CMPK2: variants seen among roughly 807,000 people sequenced by gnomAD.
CMPK2 encodes UMP-CMP kinase 2, mitochondrial.
Under a neutral mutation model 33.4 loss-of-function variants are expected in CMPK2, and 32 were observed. The ratio of observed to expected loss-of-function variants is 0.96; its 90% CI spans 0.72 to 1.29. The LOEUF is 1.29. Among genes scored for constraint, CMPK2 ranks in the 50% most tolerant of loss-of-function variants. CMPK2 has a pLI of 0.00. For synonymous variants in CMPK2, 299 were observed against 275.3 expected (o/e 1.09, Z -0.85); for missense variants, 672 against 616.0 (o/e 1.09, Z -0.96).
intron 3 of CMPK2, among the ~76,000 whole-genome samples, chr2:6,853,032 C>T (rs1398577766): frequency 6.6e-6 from 1 of 152,184 alleles, no homozygotes; most frequent in African/African-American, 2.4e-5. Context: ...TCACTGCAAC[C>T]TTTGCTTCCC....
intron 3 of CMPK2, among the ~76,000 whole-genome samples, chr2:6,842,470 G>T (rs372637263): frequency 9.8e-4 from 149 of 152,340 alleles, no homozygotes; most frequent in African/African-American, 3.5e-3. Flanking sequence ...CAACTGTTCA[G>T]AGGCAAGCTG....
At chr2:6,842,169 C>T (rs1662250666) in intron 3 of CMPK2, among the ~76,000 whole-genome samples, 1 of 152,138 alleles carries the variant, frequency 6.6e-6, no homozygotes, top group South Asian at 2.1e-4. Flanking sequence ...AGAGGAGTTT[C>T]CTGGATGTCC....
chr2:6,853,104 C>A (rs1662573702), intron 3 of CMPK2, among the ~76,000 whole-genome samples: 1 of 152,130 alleles, frequency 6.6e-6, no homozygotes, highest in South Asian at 2.1e-4. Flanking sequence ...CATGCACCAC[C>A]ACGCCCGGCT....
chr2:6,845,003 T>C (rs1044395578), downstream of CMPK2, among the ~76,000 whole-genome samples: 1 of 152,174 alleles, frequency 6.6e-6, no homozygotes, highest in African/African-American at 2.4e-5. Flanking sequence ...CCCAAAGGGT[T>C]TGACTCTCTG....
intron 4 of CMPK2, among the ~76,000 whole-genome samples, chr2:6,850,267 G>T (rs1307215656): frequency 6.6e-6 from 1 of 152,156 alleles, no homozygotes; most frequent in Admixed American, 6.5e-5. Flanking sequence ...GAAGACTATT[G>T]TCATCCCTGT....
Position 6,865,652 on chromosome 2 carries a change from C to A in CMPK2, c.45G>T (p.Pro15=), listed in dbSNP as rs1436643271. 4.5e-6 allele frequency: 6 copies of A among 1,335,168 alleles called. No homozygotes were observed. In the African/African-American group the frequency reaches 6.2e-5, roughly 14 times the overall value. 82.7% of individuals were successfully genotyped at this position (1,335,168 alleles called of 1,614,324 possible). A position where few individuals can be genotyped will look rare whatever the true frequency, so the allele number is the denominator to read the frequency against. Residue 15 remains proline, a synonymous_variant, in exon 1 of 5, where the codon CCG becomes CCT. Transcript: ENST00000256722. The part of the protein sequence containing the change: ...RRLLRGPLSG[P]LLGRRGVCAG... ...CGCAGACCCCGCGCCGCCCGAGCAGCGGCCCCGACAGTGGCCCGCGCAGGA... is the reference window on the plus strand; with the variant it reads ...CGCAGACCCCGCGCCGCCCGAGCAGAGGCCCCGACAGTGGCCCGCGCAGGA...
At chr2:6,841,387 G>C (rs1405071407) in intron 3 of CMPK2, among the ~76,000 whole-genome samples, 4 of 152,144 alleles carry the variant, frequency 2.6e-5, no homozygotes, top group Admixed American at 6.5e-5. Flanking sequence ...GATGCCATTT[G>C]TTGAGGGGAT....
chr2:6,857,883 C>A (rs942042925), intron 3 of CMPK2, among the ~76,000 whole-genome samples: 9 of 152,138 alleles, frequency 5.9e-5, no homozygotes, highest in African/African-American at 2.2e-4. Flanking sequence ...GATCCGCCCA[C>A]CTCAGCCTCC....
chr2:6,855,537 T>C (rs895984944), intron 3 of CMPK2, among the ~76,000 whole-genome samples: 1 of 152,120 alleles, frequency 6.6e-6, no homozygotes, highest in Non-Finnish European at 1.5e-5. Flanking sequence ...AATACAGATA[T>C]CACATATGAT....
At chr2:6,846,528 T>A (rs1025176281), downstream of CMPK2, among the ~76,000 whole-genome samples, 5 of 152,188 alleles carry the variant, frequency 3.3e-5, no homozygotes, top group Admixed American at 2.0e-4. Flanking sequence ...ATCCCTAGGT[T>A]ACAAAAACAC....
chr2:6,854,043 A>G (rs955598440), intron 3 of CMPK2, among the ~76,000 whole-genome samples: 2 of 152,072 alleles, frequency 1.3e-5, no homozygotes, highest in South Asian at 4.1e-4. Context: ...ACACCTTCCT[A>G]TGTGTTACTT....
At chr2:6,862,985 T>G (rs1274555427) in intron 2 of CMPK2, among the ~76,000 whole-genome samples, 1 of 152,120 alleles carries the variant, frequency 6.6e-6, no homozygotes, top group Admixed American at 6.5e-5. Context: ...TCAGAAGGCT[T>G]TTTTTTCTTC....
At chr2:6,866,590 C>G, upstream of CMPK2, 2 of 359,050 alleles carry the variant, frequency 5.6e-6, no homozygotes, top group Non-Finnish European at 7.8e-6. Context: ...CTCTGCCTGC[C>G]ACAGTCCAGC....
intron 1 of CMPK2, among the ~76,000 whole-genome samples, chr2:6,863,903 G>C (rs1443012456): frequency 2.0e-5 from 3 of 152,218 alleles, no homozygotes; most frequent in Non-Finnish European, 4.4e-5. Context: ...CTACAGGCCC[G>C]CTGGGAACAC....
At chr2:6,852,235 C>T (rs1662545476) in intron 3 of CMPK2, among the ~76,000 whole-genome samples, 1 of 152,268 alleles carries the variant, frequency 6.6e-6, no homozygotes, top group Admixed American at 6.5e-5. Flanking sequence ...TATGCCCTGC[C>T]CAGCTCCATG....
chr2:6,865,625 A>G lies in CMPK2; in HGVS notation c.72T>C (p.Ala24=). 7.3e-7 allele frequency: 1 copy of G among 1,373,440 alleles called. No homozygotes were observed. Among genetic ancestry groups the G allele is most frequent in the Non-Finnish European group, 9.4e-7 (1 of 1,065,392 alleles). 85.1% of individuals were successfully genotyped at this position (1,373,440 alleles called of 1,614,324 possible). The part of the protein sequence containing the change: ...GPLLGRRGVC[A]GAMAPPRRFV... ...AGCGGCGCGGCGGAGCCATGGCCCC[A>G]GCGCAGACCCCGCGCCGCCCGAGCA... The change falls in exon 1 of 5, where the codon GCT becomes GCC. Residue 24 remains alanine, a synonymous_variant. Transcript: ENST00000256722.
In CMPK2 at chr2:6,865,898, C is replaced by G; in HGVS notation, c.-202G>C. On this transcript the variant is annotated 5_prime_UTR_variant, in exon 1 of 5. Coordinates refer to ENST00000256722, the MANE Select transcript of CMPK2 (RefSeq NM_207315.4). ...CGCCCTTCCGGCCTCTCCTCCTCGC[C>G]GCGAGATGTGCGCGATAAACGGCCG... 7.1e-7 allele frequency: 1 copy of G among 1,411,604 alleles called. No individual in the cohort carries two copies. The highest frequency in any genetic ancestry group is 9.2e-7 in the Non-Finnish European group (1 of 1,083,758). 87.4% of individuals were successfully genotyped at this position (1,411,604 alleles called of 1,614,324 possible).
chr2:6,851,233 G>T, intron 4 of CMPK2: 1 of 1,359,240 alleles, frequency 7.4e-7, no homozygotes, highest in Admixed American at 3.0e-5. Context: ...GGCAGGGTCT[G>T]ATCCCTAGTC....
intron 3 of CMPK2, among the ~76,000 whole-genome samples, chr2:6,857,723 C>A (rs1662755856): frequency 6.6e-6 from 1 of 151,488 alleles, no homozygotes; most frequent in Non-Finnish European, 1.5e-5. Context: ...CAGGCTCCAC[C>A]CCCTGGGGTT....
Sources: gnomAD v4.1 joint callset for allele counts (sites outside exome capture counted in the v4.1 genomes callset) on GRCh38, gnomAD v4.1.1 for gene constraint, MANE v1.5 for transcripts, NCBI Gene and HGNC (gene_info 2026-07-23, HGNC 2026-07-21) for gene names.